Variants in GLI3 observed in about 807,000 individuals in gnomAD.
The protein encoded by GLI3 is transcription activator GLI3.
A neutral mutation model predicts 100.8 loss-of-function variants in GLI3; 20 were observed. That is an observed-to-expected ratio of 0.20 (90% CI 0.14 to 0.29). GLI3 has a LOEUF of 0.29. GLI3 is among the 10% of genes least tolerant of loss of function. The pLI is 1.00. For missense variants in GLI3, 2,040 were observed against 2,128.5 expected, an observed-to-expected ratio of 0.96 and a Z score of 0.82; for synonymous variants, 938 against 860.5, an observed-to-expected ratio of 1.09 and a Z score of -1.58.
chr7:42,005,490 CA>C (rs1275219496), intron 10 of GLI3, among the ~76,000 whole-genome samples: 4 of 151,788 alleles, frequency 2.6e-5, no homozygotes, highest in Non-Finnish European at 5.9e-5. Context: ...CACACACACA[CA>C]CACACAGATT....
chr7:42,100,381 A>G (rs1487202706), intron 3 of GLI3, among the ~76,000 whole-genome samples: 3 of 152,224 alleles, frequency 2.0e-5, no homozygotes, highest in African/African-American at 7.2e-5. Flanking sequence ...TTGCAGAAGC[A>G]ATCAGGTTAG....
chr7:42,084,647 G>A (rs2128754166), intron 3 of GLI3, among the ~76,000 whole-genome samples: 2 of 152,286 alleles, frequency 1.3e-5, no homozygotes, highest in Middle Eastern at 6.8e-3. Flanking sequence ...ATAAGGAAAG[G>A]TTTACATCCA....
intron 10 of GLI3, among the ~76,000 whole-genome samples, chr7:42,006,167 G>A (rs1034885578): frequency 1.3e-5 from 2 of 152,202 alleles, no homozygotes; most frequent in Non-Finnish European, 2.9e-5. Context: ...ACCCGAGCTC[G>A]AAGGGCAACA....
intron 10 of GLI3, among the ~76,000 whole-genome samples, chr7:41,990,865 A>AGTGTGT (rs57245025): frequency 0.016 from 2,222 of 142,826 alleles, 28 homozygotes; most frequent in African/African-American, 0.034. Flanking sequence ...GATTAAGGCA[A>AGTGTGT]GTGTGTGTGT....
At chr7:41,991,903 G>A (rs769666394) in intron 10 of GLI3, among the ~76,000 whole-genome samples, 10 of 152,210 alleles carry the variant, frequency 6.6e-5, no homozygotes, top group Non-Finnish European at 1.0e-4. Flanking sequence ...TGGGGAATGT[G>A]TGTGCGTGTC....
intron 10 of GLI3, among the ~76,000 whole-genome samples, chr7:41,996,934 CTG>C (rs1788141736): frequency 6.6e-6 from 1 of 152,170 alleles, no homozygotes; most frequent in Non-Finnish European, 1.5e-5. Flanking sequence ...AAACTAAGCT[CTG>C]TGAATGCAGT....
chr7:41,988,906 T>C (rs1787903016), intron 10 of GLI3, among the ~76,000 whole-genome samples: 1 of 152,222 alleles, frequency 6.6e-6, no homozygotes, highest in South Asian at 2.1e-4. Flanking sequence ...TTGCCTTTTG[T>C]TAAAGAGCTT....
At chr7:41,992,769 C>T (rs577410144) in intron 10 of GLI3, among the ~76,000 whole-genome samples, 2 of 152,176 alleles carry the variant, frequency 1.3e-5, no homozygotes, top group African/African-American at 2.4e-5. Flanking sequence ...CCAAAAGAAG[C>T]GATTAAGGCA....
At chr7:42,041,601 T>C (rs1784139256) in intron 6 of GLI3, among the ~76,000 whole-genome samples, 1 of 152,146 alleles carries the variant, frequency 6.6e-6, no homozygotes, top group South Asian at 2.1e-4. Context: ...ATGGCAATTT[T>C]GCGGTACCCA....
chr7:41,977,087 C>G (rs1225398988), intron 12 of GLI3, among the ~76,000 whole-genome samples: 1 of 152,114 alleles, frequency 6.6e-6, no homozygotes. Flanking sequence ...CTGTAAAAAT[C>G]TTTTTTGATA....
At chr7:42,070,355 G>A (rs538166468) in intron 4 of GLI3, among the ~76,000 whole-genome samples, 2 of 152,322 alleles carry the variant, frequency 1.3e-5, no homozygotes, top group Non-Finnish European at 2.9e-5. Flanking sequence ...ATGACAGCCA[G>A]TAACACTGAA....
chr7:42,263,299 A>G (rs927525469), intron 1 of GLI3, among the ~76,000 whole-genome samples: 3 of 152,178 alleles, frequency 2.0e-5, no homozygotes, highest in African/African-American at 2.4e-5. Context: ...CCCCCTTGCC[A>G]GTGACAAGTT....
chr7:42,257,862 T>C (rs1206465907), intron 1 of GLI3, among the ~76,000 whole-genome samples: 3 of 152,342 alleles, frequency 2.0e-5, no homozygotes, highest in East Asian at 3.9e-4. Context: ...CCATTGCTTT[T>C]TGTATATTAA....
intron 2 of GLI3, chr7:42,152,506 T>A: frequency 1.3e-6 from 1 of 761,390 alleles, no homozygotes; most frequent in Non-Finnish European, 1.6e-6. Context: ...TTAGAGGAAT[T>A]AAAAGTGGTT....
chr7:42,021,974 A>C (rs1484045856), intron 10 of GLI3, among the ~76,000 whole-genome samples: 1 of 152,268 alleles, frequency 6.6e-6, no homozygotes, highest in African/African-American at 2.4e-5. Context: ...TAAAACAGTC[A>C]GCAAGAATAA....
chr7:42,132,170 G>A (rs1350016698), intron 3 of GLI3, among the ~76,000 whole-genome samples: 1 of 151,686 alleles, frequency 6.6e-6, no homozygotes, highest in East Asian at 1.9e-4. Context: ...GTTCAATCTC[G>A]GCTCACTGCA....
chr7:42,052,235 G>A (rs373587860), intron 4 of GLI3, among the ~76,000 whole-genome samples: 2 of 151,960 alleles, frequency 1.3e-5, no homozygotes, highest in Admixed American at 1.3e-4. Context: ...TGGTTATTTC[G>A]AAGTTTTGGC....
chr7:42,087,659 GT>G (rs569191158), intron 3 of GLI3, among the ~76,000 whole-genome samples: 25 of 151,510 alleles, frequency 1.7e-4, no homozygotes, highest in African/African-American at 5.3e-4. Context: ...GAGGTCAAAA[GT>G]TTAAAAGCTC....
intron 2 of GLI3, among the ~76,000 whole-genome samples, chr7:42,209,986 GAAAAAAAAAAAAAAAA>G (rs749477443): frequency 6.0e-5 from 2 of 33,270 alleles, no homozygotes; most frequent in Non-Finnish European, 9.5e-5. Flanking sequence ...TTAAGAATCT[GAAAAAAAAAAAAAAAA>G]AAAAAAAAAA....
Sources: allele counts gnomAD v4.1 joint callset (sites outside exome capture counted in the v4.1 genomes callset), GRCh38; gene constraint gnomAD v4.1.1; transcripts MANE v1.5; gene names NCBI Gene and HGNC (gene_info 2026-07-23, HGNC 2026-07-21).